Variants in AHCY observed in about 807,000 individuals in gnomAD.
The protein encoded by AHCY is S-adenosyl-L-homocysteine hydrolase.
AHCY carries 24 observed loss-of-function variants against 45.4 expected under a neutral mutation model. That is an observed-to-expected ratio of 0.53 (90% CI 0.38 to 0.74). The LOEUF (loss-of-function observed/expected upper bound fraction) is 0.74. Ranked by LOEUF, AHCY falls within the 30% of genes least tolerant of loss-of-function variation. AHCY has a pLI of 0.00. For synonymous variants in AHCY, 245 were observed against 235.1 expected (o/e 1.04, Z -0.39); for missense variants, 449 against 594.1 (o/e 0.76, Z 2.54).
chr20:34,277,571 C>T (rs1001303801), downstream of AHCY, among the ~76,000 whole-genome samples: 1 of 151,562 alleles, frequency 6.6e-6, no homozygotes, highest in East Asian at 1.9e-4. Flanking sequence ...ATCGAAACCA[C>T]GGTGAAACCC....
At chr20:34,291,033 A>C in intron 5 of AHCY, 95 bp from the exon 6 acceptor site, 3 of 1,240,290 alleles carry the variant, frequency 2.4e-6, no homozygotes, top group Non-Finnish European at 3.5e-6. Context: ...CCCAGGCATC[A>C]TGGGCCCACC....
Position 34,290,699 on chromosome 20 carries a change from G to C in AHCY, c.766+32C>G. 6.2e-7 allele frequency: 1 copy of C among 1,613,822 alleles called. No homozygotes were observed. Among genetic ancestry groups the C allele is most frequent in the Non-Finnish European group, 8.5e-7 (1 of 1,179,968 alleles). On this transcript the variant is annotated intron_variant, in intron 6 of 9. Coordinates refer to ENST00000217426, the MANE Select transcript of AHCY (RefSeq NM_000687.4). This position sits in a 1 kb window ranked among gnomAD's most constrained non-coding sequence, Gnocchi z 4.5. Reference sequence around the variant, plus strand: ...GGCCTTGCCCCTCCCTCTGGCCCCAGTGGCTGACAACCAACCCTTGCCCTA... The same window carrying C: ...GGCCTTGCCCCTCCCTCTGGCCCCACTGGCTGACAACCAACCCTTGCCCTA...
chr20:34,305,533 G>T (rs1370356121), upstream of AHCY, among the ~76,000 whole-genome samples: 1 of 152,158 alleles, frequency 6.6e-6, no homozygotes, highest in Admixed American at 6.5e-5. Context: ...GCATTGCAGT[G>T]TGTAGTGAGT....
intron 8 of AHCY, 27 bp from the exon 9 acceptor site, chr20:34,285,661 G>A (rs763170816): frequency 6.2e-7 from 1 of 1,609,712 alleles, no homozygotes; most frequent in Non-Finnish European, 8.5e-7. Flanking sequence ...CAACAGTGAA[G>A]GCAGGCAGGG....
upstream of AHCY, among the ~76,000 whole-genome samples, chr20:34,304,170 A>G (rs2122840716): frequency 6.6e-6 from 1 of 152,318 alleles, no homozygotes; most frequent in African/African-American, 2.4e-5. Flanking sequence ...GCACCTTTAT[A>G]TATCAACCGT....
the AHCY span, chr20:34,262,946 AAAG>A: frequency 6.2e-7 from 1 of 1,600,208 alleles, no homozygotes; most frequent in South Asian, 1.1e-5. Context: ...GACTGGACTT[AAAG>A]AAGGAGGACC....
At chr20:34,283,729 C>T (rs917096657) in intron 9 of AHCY, among the ~76,000 whole-genome samples, 27 of 152,306 alleles carry the variant, frequency 1.8e-4, no homozygotes, top group Middle Eastern at 3.4e-3. Flanking sequence ...CAAGGTATGC[C>T]TTGAGGTCCT....
the AHCY span, chr20:34,241,567 G>A: frequency 1.0e-6 from 1 of 976,716 alleles, no homozygotes; most frequent in Non-Finnish European, 1.2e-6. Context: ...GGACTTAACA[G>A]TTATCCCTCC....
At position 34,291,506 on chromosome 20, in the gene AHCY, G is replaced by C; in HGVS notation, c.471C>G (p.Thr157=). 1.2e-6 allele frequency: 2 copies of C among 1,614,122 alleles called. No individual in the cohort carries two copies. Among genetic ancestry groups the C allele is most frequent in the Non-Finnish European group, 1.7e-6 (2 of 1,180,006 alleles). The change falls in exon 5 of 10, where the codon ACC becomes ACG. Residue 157 remains threonine (T), a synonymous_variant. Transcript: ENST00000217426. ...LPGIRGISEE[T]TTGVHNLYKM... The stretch of plus-strand genomic sequence containing the variant: ...TGTAGAGGTTGTGGACCCCAGTCGT[G>C]GTCTCCTCAGAGATGCCTCGGATGC...
chr20:34,276,620 G>C (rs577868131), downstream of AHCY, among the ~76,000 whole-genome samples: 2 of 152,216 alleles, frequency 1.3e-5, no homozygotes, highest in South Asian at 2.1e-4. Context: ...TAGAACCCTT[G>C]CAAGGTTGTA....
At chr20:34,242,772 TCCCTCC>T in the AHCY span, among the ~76,000 whole-genome samples, 1 of 152,228 alleles carries the variant, frequency 6.6e-6, no homozygotes, top group Non-Finnish European at 1.5e-5. Context: ...CAAAGCCTCT[TCCCTCC>T]TTCTGCTGTA....
At chr20:34,276,024 C>T (rs932800982), downstream of AHCY, among the ~76,000 whole-genome samples, 5 of 152,120 alleles carry the variant, frequency 3.3e-5, no homozygotes, top group Admixed American at 6.6e-5. Context: ...AGCTGGCCTT[C>T]GTGGGGGCAA....
chr20:34,290,493 A>T lies in AHCY; in HGVS notation c.855-44T>A. 6.2e-7 allele frequency: 1 copy of T among 1,612,414 alleles called. No individual in the cohort carries two copies. Among genetic ancestry groups the T allele is most frequent in the Non-Finnish European group, 8.5e-7 (1 of 1,178,442 alleles). On this transcript the variant is annotated intron_variant, in intron 7 of 9. Transcript: ENST00000217426. The surrounding 1 kb of genome is among the most constrained non-coding windows in gnomAD (Gnocchi z 4.5). ...CCGTGGGAGATTGTCAGGGACAGAA[A>T]GCTGTCCCAACTCTGCCCTCCTCCC...
Position 34,290,564 on chromosome 20 carries a change from T to C in AHCY, c.841A>G (p.Ile281Val), listed in dbSNP as rs1295663875. 3 of 1,614,074 alleles carry C rather than the reference T, an allele frequency of 1.9e-6. No homozygotes were observed. The highest frequency in any genetic ancestry group is 2.5e-6 in the Non-Finnish European group (3 of 1,180,040). Residue 281 changes from isoleucine to valine, a missense_variant, in exon 7 of 10, where the codon ATC becomes GTC. Ile to Val is a conservative substitution (Grantham distance 29). Transcript: ENST00000217426. This position sits in a 1 kb window ranked among gnomAD's most constrained non-coding sequence, Gnocchi z 4.5. ...TCTGGCACCTACCGGCCAAGGATGA[T>C]GTCAATACAGCCTGTGGTGGTGACA... ...IFVTTTGCID[I>V]ILGRHFEQMK...
the AHCY span, among the ~76,000 whole-genome samples, chr20:34,268,141 TC>T: frequency 6.6e-6 from 1 of 152,214 alleles, no homozygotes; most frequent in Non-Finnish European, 1.5e-5. Flanking sequence ...AAATTCAGTT[TC>T]TAGGTTGCAC....
At chr20:34,289,521 G>A (rs149519461) in intron 8 of AHCY, among the ~76,000 whole-genome samples, 105 of 139,530 alleles carry the variant, frequency 7.5e-4, no homozygotes, top group African/African-American at 2.8e-3. Flanking sequence ...TATTAACCAG[G>A]CAGGAGTGCG....
the AHCY span, among the ~76,000 whole-genome samples, chr20:34,247,997 AG>A: frequency 2.0e-5 from 3 of 152,210 alleles, no homozygotes; most frequent in African/African-American, 7.2e-5. Flanking sequence ...CCTGAGATCA[AG>A]AGTTCGAGAC....
At chr20:34,298,701 CCA>C (rs2036668961) in intron 1 of AHCY, among the ~76,000 whole-genome samples, 2 of 152,008 alleles carry the variant, frequency 1.3e-5, no homozygotes, top group African/African-American at 2.4e-5. Context: ...CCAGGCTCGC[CCA>C]CAGTTATCCA....
chr20:34,283,441 T>C (rs1356655764), intron 9 of AHCY, among the ~76,000 whole-genome samples: 1 of 152,170 alleles, frequency 6.6e-6, no homozygotes, highest in Non-Finnish European at 1.5e-5. Context: ...TTCTCTGTCA[T>C]TGTTGACCAA....
Sources: allele counts gnomAD v4.1 joint callset (sites outside exome capture counted in the v4.1 genomes callset), GRCh38; gene constraint gnomAD v4.1.1; non-coding constraint Gnocchi (gnomAD v3.1); transcripts MANE v1.5; gene names NCBI Gene and HGNC (gene_info 2026-07-23, HGNC 2026-07-21).